NXPH1: variants seen among roughly 807,000 people sequenced by gnomAD.
NXPH1 encodes neurexophilin-1.
A neutral mutation model predicts 23.7 loss-of-function variants in NXPH1; 5 were observed. That is an observed-to-expected ratio of 0.21 (90% confidence interval 0.11 to 0.44). The LOEUF is 0.44. Ranked by LOEUF, NXPH1 falls within the 20% of genes least tolerant of loss-of-function variation. The probability of loss-of-function intolerance (pLI) is 0.99; values close to 1 mark genes in which losing one functional copy is unlikely to be tolerated. For synonymous variants in NXPH1, 144 were observed against 122.2 expected (o/e 1.18, Z -1.18); for missense variants, 324 against 321.6 (o/e 1.01, Z -0.06).
intron 2 of NXPH1, among the ~76,000 whole-genome samples, chr7:8,687,768 A>C (rs1395534292): frequency 6.6e-6 from 1 of 152,184 alleles, no homozygotes; most frequent in East Asian, 1.9e-4. Context: ...GGTAATGTTC[A>C]AGGTTAGCTA....
At chr7:8,642,689 C>T (rs1051904197) in intron 2 of NXPH1, among the ~76,000 whole-genome samples, 9 of 151,582 alleles carry the variant, frequency 5.9e-5, no homozygotes, top group African/African-American at 1.9e-4. Flanking sequence ...TTTATCTATT[C>T]GTCCATATTT....
At chr7:8,457,140 T>C (rs1816609975) in intron 2 of NXPH1, among the ~76,000 whole-genome samples, 1 of 152,196 alleles carries the variant, frequency 6.6e-6, no homozygotes, top group African/African-American at 2.4e-5. Context: ...TTTCAAACTC[T>C]TTACCTGTGG....
chr7:8,512,749 A>C (rs1244358868), intron 2 of NXPH1, among the ~76,000 whole-genome samples: 1 of 152,168 alleles, frequency 6.6e-6, no homozygotes. Flanking sequence ...TGTACCCATA[A>C]TAAAGTGTTT....
At chr7:8,440,473 C>G (rs945381940) in intron 2 of NXPH1, among the ~76,000 whole-genome samples, 4 of 152,134 alleles carry the variant, frequency 2.6e-5, no homozygotes, top group African/African-American at 9.7e-5. Context: ...TTCTATTTGG[C>G]TTTGAATTGT....
intron 2 of NXPH1, among the ~76,000 whole-genome samples, chr7:8,744,543 C>A (rs187520401): frequency 6.6e-6 from 1 of 152,184 alleles, no homozygotes; most frequent in East Asian, 1.9e-4. Flanking sequence ...TCTTTATTAC[C>A]ACACGTTTCT....
At chr7:8,624,886 G>A (rs1331992263) in intron 2 of NXPH1, among the ~76,000 whole-genome samples, 1 of 152,080 alleles carries the variant, frequency 6.6e-6, no homozygotes, top group Non-Finnish European at 1.5e-5. Flanking sequence ...AGGAAGACCT[G>A]GATTCAAGTC....
intron 2 of NXPH1, among the ~76,000 whole-genome samples, chr7:8,584,988 C>G (rs1818953190): frequency 6.6e-6 from 1 of 152,106 alleles, no homozygotes; most frequent in Admixed American, 6.6e-5. Context: ...TAAGGCCTCT[C>G]TACAGTTTAA....
intron 2 of NXPH1, among the ~76,000 whole-genome samples, chr7:8,515,445 T>A (rs1169270703): frequency 1.3e-5 from 2 of 152,300 alleles, no homozygotes; most frequent in East Asian, 3.9e-4. Flanking sequence ...TTGTGGATAC[T>A]TGAACAGTTG....
intron 2 of NXPH1, among the ~76,000 whole-genome samples, chr7:8,481,312 A>G (rs112881585): frequency 1.4e-4 from 21 of 152,334 alleles, no homozygotes; most frequent in African/African-American, 4.8e-4. Context: ...TATTTCAGAG[A>G]TACCTACGCA....
chr7:8,618,666 C>G (rs1417649490), intron 2 of NXPH1, among the ~76,000 whole-genome samples: 1 of 152,132 alleles, frequency 6.6e-6, no homozygotes, highest in African/African-American at 2.4e-5. Context: ...AGAATTTACC[C>G]TTTTGCTAAT....
At chr7:8,639,430 G>T (rs1673397026) in intron 2 of NXPH1, among the ~76,000 whole-genome samples, 1 of 151,674 alleles carries the variant, frequency 6.6e-6, no homozygotes. Context: ...CTCTAAAAGA[G>T]TACTTATTTA....
At position 8,752,622 on chromosome 7, in the gene NXPH1, C is replaced by T. The variant is rs764568467; in HGVS notation, c.*853C>T. 2.0e-5 allele frequency: 3 copies of T among 152,514 alleles called. No individual in the cohort carries two copies. Among genetic ancestry groups the T allele is most frequent in the Non-Finnish European group, 4.4e-5 (3 of 68,024 alleles). 9.4% of individuals were successfully genotyped at this position (152,514 alleles called of 1,614,324 possible). A position where few individuals can be genotyped will look rare whatever the true frequency, so the allele number is the denominator to read the frequency against. On this transcript the variant is annotated 3_prime_UTR_variant, in exon 3 of 3. Transcript: ENST00000405863. ...ATAAGTGTCTGTCTTATCTTTACTA[C>T]ACATATTGTAACAAATTCAATATCC...
intron 2 of NXPH1, among the ~76,000 whole-genome samples, chr7:8,546,550 G>A (rs1454981354): frequency 2.0e-5 from 3 of 151,348 alleles, no homozygotes; most frequent in African/African-American, 7.3e-5. Flanking sequence ...TGTTTCAGTA[G>A]GTCTGGAGTA....
chr7:8,635,464 C>A (rs944968760), intron 2 of NXPH1, among the ~76,000 whole-genome samples: 3 of 152,176 alleles, frequency 2.0e-5, no homozygotes, highest in African/African-American at 7.2e-5. Context: ...TTATTAAATT[C>A]TGCAAGATCT....
At chr7:8,454,613 C>T (rs1384901603) in intron 2 of NXPH1, among the ~76,000 whole-genome samples, 8 of 152,086 alleles carry the variant, frequency 5.3e-5, no homozygotes, top group African/African-American at 7.2e-5. Context: ...TGGCCCCCAC[C>T]GTATCTTTCC....
rs1411841867 is a variant in NXPH1, at chr7:8,752,532, G to C, written c.*763G>C. 3 of 152,446 alleles carry C rather than the reference G, an allele frequency of 2.0e-5. No individual in the cohort carries two copies. Among genetic ancestry groups the C allele is most frequent in the East Asian group, 3.9e-4 (2 of 5,158 alleles). The allele number at this position is 152,446 out of a possible 1,614,324, so 9.4% of individuals were successfully genotyped here. Reference sequence around the variant, plus strand: ...TTTTGTGAAGTTGACACCAGCTAAGGCTGCTTAAAATAAGTTCTGATCATT... The same window carrying C: ...TTTTGTGAAGTTGACACCAGCTAAGCCTGCTTAAAATAAGTTCTGATCATT... On this transcript the variant is annotated 3_prime_UTR_variant, in exon 3 of 3. Coordinates refer to ENST00000405863, the MANE Select transcript of NXPH1 (RefSeq NM_152745.3).
At chr7:8,685,327 G>C (rs920629723) in intron 2 of NXPH1, among the ~76,000 whole-genome samples, 1 of 150,770 alleles carries the variant, frequency 6.6e-6, no homozygotes, top group Non-Finnish European at 1.5e-5. Flanking sequence ...TTGACTTTTA[G>C]ATCCCACAGA....
intron 2 of NXPH1, among the ~76,000 whole-genome samples, chr7:8,441,972 CCT>C (rs1816308791): frequency 6.6e-6 from 1 of 151,966 alleles, no homozygotes; most frequent in Non-Finnish European, 1.5e-5. Flanking sequence ...GCTCCGGTGC[CCT>C]CTGTTGCCGA....
At chr7:8,461,938 G>A (rs761632359) in intron 2 of NXPH1, among the ~76,000 whole-genome samples, 1 of 151,648 alleles carries the variant, frequency 6.6e-6, no homozygotes, top group Non-Finnish European at 1.5e-5. Context: ...CAAGCTACTT[G>A]GGGTTTATAT....
Sources: gnomAD v4.1 joint callset for allele counts (sites outside exome capture counted in the v4.1 genomes callset) on GRCh38, gnomAD v4.1.1 for gene constraint, MANE v1.5 for transcripts, NCBI Gene and HGNC (gene_info 2026-07-23, HGNC 2026-07-21) for gene names.